Variants in WDR70 observed in about 807,000 individuals in gnomAD.
WDR70 encodes the protein WD repeat-containing protein 70.
WDR70 carries 53 observed loss-of-function variants against 88.6 expected under a neutral mutation model. That is an observed-to-expected ratio of 0.60 (90% CI 0.48 to 0.75). The LOEUF (loss-of-function observed/expected upper bound fraction) is 0.75, where lower values mean the gene tolerates loss of function less well. Among genes scored for constraint, WDR70 ranks in the 30% least tolerant of loss-of-function variants. The probability of loss-of-function intolerance (pLI) is 0.00; values close to 1 mark genes in which losing one functional copy is unlikely to be tolerated. For synonymous variants in WDR70, 280 were observed against 270.0 expected (o/e 1.04, Z -0.36); for missense variants, 610 against 823.2 (o/e 0.74, Z 3.17).
rs866259545 is a variant in WDR70 at position 37,395,060 on chromosome 5, G to C, written c.297-1315G>C. Among the ~76,000 whole-genome samples, 3 of 152,294 alleles carry C rather than the reference G, an allele frequency of 2.0e-5. No homozygotes were observed. In the South Asian group the frequency reaches 6.2e-4, roughly 32 times the overall value. ...AGATGCTAGAACAAAACAGAAATTC[G>C]TGCTTTCCTGGAGCTTACATACCAG... On this transcript the variant is annotated intron_variant, in intron 4 of 17. Transcript: ENST00000265107.
At chr5:37,425,017 G>A (rs867945932) in intron 5 of WDR70, among the ~76,000 whole-genome samples, 4 of 152,326 alleles carry the variant, frequency 2.6e-5, no homozygotes, top group Admixed American at 6.5e-5. Flanking sequence ...GCCAAGGTGG[G>A]TGGGGCTCAC....
intron 5 of WDR70, among the ~76,000 whole-genome samples, chr5:37,425,464 G>C (rs1413692376): frequency 6.6e-6 from 1 of 152,130 alleles, no homozygotes; most frequent in African/African-American, 2.4e-5. Flanking sequence ...ATATCTGGGA[G>C]AATGGTGCAG....
chr5:37,584,461 TA>T (rs991795674), intron 9 of WDR70, among the ~76,000 whole-genome samples: 2 of 152,346 alleles, frequency 1.3e-5, no homozygotes, highest in Non-Finnish European at 2.9e-5. Flanking sequence ...AAGCATTGTT[TA>T]AATTTTCAGT....
Position 37,722,845 on chromosome 5 carries a change from C to T in WDR70, c.1518-10C>T, listed in dbSNP as rs767081132. ...AAGTAAAGAAAATAATTTGCTTTTA[C>T]ACCCGTTAGGGGAGCAAAATTATGT... is the stretch of plus-strand genomic sequence containing the variant. On this transcript the variant is annotated splice_polypyrimidine_tract_variant and intron_variant, in intron 14 of 17. Coordinates refer to ENST00000265107, the MANE Select transcript of WDR70 (RefSeq NM_018034.4). 1.9e-6 allele frequency: 3 copies of T among 1,613,086 alleles called. No homozygotes were observed. The highest frequency in any genetic ancestry group is 2.2e-5 in the East Asian group (1 of 44,816).
intron 8 of WDR70, among the ~76,000 whole-genome samples, chr5:37,497,461 G>GTCTTCCCTTCCCTTCCC (rs1561875865): frequency 2.9e-5 from 2 of 68,088 alleles, no homozygotes; most frequent in African/African-American, 1.1e-4. Context: ...CTTTCCTTCC[G>GTCTTCCCTTCCCTTCCC]TCTTCCCTTT....
chr5:37,539,284 G>A (rs1476733518), intron 9 of WDR70, among the ~76,000 whole-genome samples: 1 of 152,090 alleles, frequency 6.6e-6, no homozygotes, highest in African/African-American at 2.4e-5. Context: ...GGGAGGAGAG[G>A]GTGTTATGGG....
At chr5:37,381,789 C>T in intron 3 of WDR70, 104 bp downstream of exon 3, 2 of 1,190,764 alleles carry the variant, frequency 1.7e-6, no homozygotes, top group Non-Finnish European at 2.3e-6. Context: ...CGCGGTGGCT[C>T]ATGCCTGTAA....
Position 37,620,530 on chromosome 5 carries a change from A to G in WDR70, c.1092+15292A>G, listed in dbSNP as rs144480785. Among the ~76,000 whole-genome samples, 11 of 152,318 alleles carry G rather than the reference A, an allele frequency of 7.2e-5. No individual in the cohort carries two copies. The East Asian group carries it at 2.1e-3, about 29-fold the overall frequency. ...ATTACATTTTATATTGTGACTGACT[A>G]TACACATATCTTTGCATGGACACAC... On this transcript the variant is annotated intron_variant, in intron 10 of 17. Transcript: ENST00000265107.
intron 9 of WDR70, among the ~76,000 whole-genome samples, chr5:37,603,093 A>G (rs557159950): frequency 7.2e-5 from 11 of 152,292 alleles, no homozygotes; most frequent in East Asian, 1.9e-4. Flanking sequence ...TACAAATTCA[A>G]TGCAATCCCT....
At chr5:37,477,979 T>C (rs546853017) in intron 7 of WDR70, among the ~76,000 whole-genome samples, 7 of 152,218 alleles carry the variant, frequency 4.6e-5, no homozygotes, top group Non-Finnish European at 1.0e-4. Flanking sequence ...TTTAAATGTA[T>C]GCTATTGTTA....
intron 10 of WDR70, among the ~76,000 whole-genome samples, chr5:37,642,664 C>G (rs1001230432): frequency 6.6e-6 from 1 of 152,122 alleles, no homozygotes; most frequent in Non-Finnish European, 1.5e-5. Context: ...CATTTATTTC[C>G]TGTCTTTTGG....
At chr5:37,520,373 C>T (rs1211647553) in intron 9 of WDR70, among the ~76,000 whole-genome samples, 1 of 151,980 alleles carries the variant, frequency 6.6e-6, no homozygotes, top group Non-Finnish European at 1.5e-5. Context: ...GTTTGTCAAT[C>T]TATACAAGTA....
At chr5:37,441,432 T>C (rs1409391400) in intron 6 of WDR70, among the ~76,000 whole-genome samples, 1 of 152,188 alleles carries the variant, frequency 6.6e-6, no homozygotes, top group Non-Finnish European at 1.5e-5. Flanking sequence ...ATGAATATGT[T>C]ACTTTGTCAG....
At chr5:37,643,512 C>A (rs892362652) in intron 10 of WDR70, among the ~76,000 whole-genome samples, 1 of 145,630 alleles carries the variant, frequency 6.9e-6, no homozygotes, top group African/African-American at 2.5e-5. Context: ...TTTTTTTTTT[C>A]TATTTCTGTG....
intron 9 of WDR70, among the ~76,000 whole-genome samples, chr5:37,534,725 C>T (rs113355187): frequency 0.074 from 11,286 of 152,080 alleles, 585 homozygotes; most frequent in Non-Finnish European, 0.11. Flanking sequence ...GTGATCCGCC[C>T]GCCTCAGCCT....
intron 7 of WDR70, among the ~76,000 whole-genome samples, chr5:37,472,845 T>C (rs996621728): frequency 1.3e-5 from 2 of 152,080 alleles, no homozygotes; most frequent in African/African-American, 4.8e-5. Flanking sequence ...ACGTAATGAA[T>C]AAAGCTGCTT....
intron 9 of WDR70, among the ~76,000 whole-genome samples, chr5:37,518,427 G>T (rs1233303819): frequency 2.0e-5 from 3 of 151,548 alleles, no homozygotes; most frequent in African/African-American, 7.3e-5. Context: ...TTGATTTTTG[G>T]ATCTCACAAA....
intron 10 of WDR70, among the ~76,000 whole-genome samples, chr5:37,653,715 G>A (rs896107227): frequency 6.6e-6 from 1 of 152,180 alleles, no homozygotes; most frequent in African/African-American, 2.4e-5. Flanking sequence ...AGATTTTCTA[G>A]TTTATTTGCA....
chr5:37,477,153 T>G (rs1739511254), intron 7 of WDR70, among the ~76,000 whole-genome samples: 1 of 152,250 alleles, frequency 6.6e-6, no homozygotes, highest in Non-Finnish European at 1.5e-5. Flanking sequence ...TATTCTCCCT[T>G]TCTGTTATTC....
Sources: allele counts gnomAD v4.1 joint callset (sites outside exome capture counted in the v4.1 genomes callset), GRCh38; gene constraint gnomAD v4.1.1; transcripts MANE v1.5; gene names NCBI Gene and HGNC (gene_info 2026-07-23, HGNC 2026-07-21).